Variants in SGCD observed in about 807,000 individuals in gnomAD.
The protein encoded by SGCD is sarcoglycan delta.
In SGCD, 18 loss-of-function variants were observed where a neutral mutation model predicts 36.6. That is an observed-to-expected ratio of 0.49 (90% CI 0.34 to 0.73). The LOEUF (loss-of-function observed/expected upper bound fraction) is 0.73, where lower values mean the gene tolerates loss of function less well. Among genes scored for constraint, SGCD ranks in the 30% least tolerant of loss-of-function variants. SGCD has a pLI of 0.01. For synonymous variants in SGCD, 133 were observed against 130.6 expected, an observed-to-expected ratio of 1.02 and a Z score of -0.12; for missense variants, 387 against 346.7, an observed-to-expected ratio of 1.12 and a Z score of -0.92.
At chr5:156,545,454 A>G (rs1303419168) in intron 4 of SGCD, among the ~76,000 whole-genome samples, 2 of 149,750 alleles carry the variant, frequency 1.3e-5, no homozygotes, top group Non-Finnish European at 3.0e-5. Context: ...GTGGAAGACA[A>G]TTTTTTCATG....
chr5:155,843,182 G>A, the SGCD span, among the ~76,000 whole-genome samples: 1 of 152,184 alleles, frequency 6.6e-6, no homozygotes, highest in Non-Finnish European at 1.5e-5. Flanking sequence ...CATATCTACT[G>A]AAAATTGACC....
At chr5:156,245,989 C>G (rs1765428955) in intron 3 of SGCD, among the ~76,000 whole-genome samples, 1 of 152,104 alleles carries the variant, frequency 6.6e-6, no homozygotes, top group African/African-American at 2.4e-5. Context: ...AAAATGCAAA[C>G]TATACATACA....
intron 1 of SGCD, among the ~76,000 whole-genome samples, chr5:156,037,776 C>G (rs1759535586): frequency 1.3e-5 from 2 of 152,236 alleles, no homozygotes; most frequent in East Asian, 3.9e-4. Context: ...TGTAGACAGA[C>G]TAGGCTATCT....
At chr5:156,638,223 A>C (rs945285094) in intron 6 of SGCD, among the ~76,000 whole-genome samples, 1 of 151,840 alleles carries the variant, frequency 6.6e-6, no homozygotes, top group Non-Finnish European at 1.5e-5. Context: ...TGAAATCTCC[A>C]CTGAGGACAC....
intron 4 of SGCD, among the ~76,000 whole-genome samples, chr5:156,528,075 C>A (rs1757717592): frequency 1.3e-5 from 2 of 152,102 alleles, no homozygotes; most frequent in Non-Finnish European, 2.9e-5. Context: ...TCCACTATTA[C>A]TTTATAAACT....
At position 156,356,436 on chromosome 5, in the gene SGCD, C is replaced by T. The variant is rs539850867; in HGVS notation, c.192+11759C>T. 7.2e-5 allele frequency among the ~76,000 whole-genome samples: 11 copies of T among 152,268 alleles called. No individual in the cohort carries two copies. The East Asian group carries it at 1.4e-3, about 19-fold the overall frequency. On this transcript the variant is annotated intron_variant, in intron 3 of 8. Coordinates refer to ENST00000337851, the MANE Select transcript of SGCD (RefSeq NM_000337.6). ...TGGGCTAACTTGGGCTTGCCCTTAA[C>T]GTGGTTGCTAAACTCTAGAATATAT...
chr5:156,606,665 C>A (rs569310262), intron 6 of SGCD, among the ~76,000 whole-genome samples: 2 of 152,298 alleles, frequency 1.3e-5, no homozygotes, highest in East Asian at 1.9e-4. Flanking sequence ...GATACTGATT[C>A]TTCCTACCCA....
intron 3 of SGCD, among the ~76,000 whole-genome samples, chr5:156,167,060 T>C (rs977541650): frequency 2.0e-5 from 3 of 152,076 alleles, no homozygotes; most frequent in Non-Finnish European, 4.4e-5. Flanking sequence ...CAATTTAGCA[T>C]CTCCACAGAC....
At chr5:156,421,296 G>A (rs891158425) in intron 3 of SGCD, among the ~76,000 whole-genome samples, 8 of 152,012 alleles carry the variant, frequency 5.3e-5, no homozygotes, top group African/African-American at 1.2e-4. Context: ...CTCTTAGATC[G>A]TTAAAATAAT....
the SGCD span, among the ~76,000 whole-genome samples, chr5:155,830,405 T>C: frequency 6.6e-6 from 1 of 152,344 alleles, no homozygotes; most frequent in Admixed American, 6.5e-5. Context: ...TATGACCTCA[T>C]GTAACCTTAA....
intron 7 of SGCD, among the ~76,000 whole-genome samples, chr5:156,676,193 C>A (rs2113670759): frequency 6.6e-6 from 1 of 152,226 alleles, no homozygotes; most frequent in Non-Finnish European, 1.5e-5. Context: ...ATATTGTGTT[C>A]TTTACCCTGA....
Position 156,061,530 on chromosome 5 carries a change from A to T in SGCD, c.-281-56348A>T, listed in dbSNP as rs941599251. Among the ~76,000 whole-genome samples the T allele has an allele frequency of 6.2e-5, 9 of 146,076 alleles. 2 individuals are homozygous for T. The highest frequency in any genetic ancestry group is 1.2e-4 in the Non-Finnish European group (8 of 64,798). The stretch of plus-strand genomic sequence containing the variant: ...CTTCCTTAAAGGATGGGAGGAAAAT[A>T]TTTAAAAACAAACCCACTGCATGAA... On this transcript the variant is annotated intron_variant, in intron 1 of 9. Transcript: ENST00000517913.
intron 3 of SGCD, among the ~76,000 whole-genome samples, chr5:156,206,911 C>A (rs940748231): frequency 6.6e-6 from 1 of 151,850 alleles, no homozygotes; most frequent in Admixed American, 6.6e-5. Flanking sequence ...TTTTCCCCTG[C>A]ACACTTGGCC....
chr5:155,751,448 C>A, the SGCD span, among the ~76,000 whole-genome samples: 1 of 152,020 alleles, frequency 6.6e-6, no homozygotes, highest in African/African-American at 2.4e-5. Context: ...GGTTGGAGTG[C>A]AATTGCGGCT....
chr5:155,956,103 C>T (rs1757644033), intron 1 of SGCD, among the ~76,000 whole-genome samples: 1 of 137,468 alleles, frequency 7.3e-6, no homozygotes, highest in Admixed American at 8.5e-5. Context: ...CTTTCTTGCT[C>T]TTCTTGTTTT....
intron 1 of SGCD, among the ~76,000 whole-genome samples, chr5:156,104,714 A>G (rs1029214149): frequency 3.3e-5 from 5 of 152,240 alleles, no homozygotes; most frequent in Non-Finnish European, 7.3e-5. Context: ...AGTAACAAGT[A>G]CTAAAACAGT....
At chr5:156,020,756 TC>T (rs1370246903) in intron 1 of SGCD, among the ~76,000 whole-genome samples, 1 of 152,204 alleles carries the variant, frequency 6.6e-6, no homozygotes, top group East Asian at 1.9e-4. Context: ...TTGGTCAGGC[TC>T]TATGCTAACT....
intron 3 of SGCD, among the ~76,000 whole-genome samples, chr5:156,476,278 T>G (rs569081724): frequency 6.6e-6 from 1 of 151,980 alleles, no homozygotes; most frequent in South Asian, 2.1e-4. Flanking sequence ...AGTTTTCAGT[T>G]AATCTCTGAA....
chr5:156,578,523 A>G (rs894348729), intron 4 of SGCD, among the ~76,000 whole-genome samples: 1 of 152,156 alleles, frequency 6.6e-6, no homozygotes, highest in Non-Finnish European at 1.5e-5. Flanking sequence ...GGAAGAATTC[A>G]GCTGTGAATC....
Sources: allele counts gnomAD v4.1 joint callset (sites outside exome capture counted in the v4.1 genomes callset), GRCh38; gene constraint gnomAD v4.1.1; transcripts MANE v1.5; gene names NCBI Gene and HGNC (gene_info 2026-07-23, HGNC 2026-07-21).